The following GPC5 variants were observed in gnomAD, a reference collection of about 807,000 sequenced individuals.
GPC5 encodes glypican-5.
In GPC5, 47 loss-of-function variants were observed where a neutral mutation model predicts 53.9. That is an observed-to-expected ratio of 0.87 (90% CI 0.69 to 1.11). The LOEUF is 1.11. Ranked by LOEUF, GPC5 falls within the 50% of genes most tolerant of loss-of-function variation. The pLI, the probability that GPC5 is intolerant of heterozygous loss-of-function variation, is 0.00. For missense variants in GPC5, 748 were observed against 713.1 expected, an observed-to-expected ratio of 1.05 and a Z score of -0.56; for synonymous variants, 286 against 263.3, an observed-to-expected ratio of 1.09 and a Z score of -0.84.
intron 7 of GPC5, among the ~76,000 whole-genome samples, chr13:92,557,110 G>A (rs113472281): frequency 2.5e-4 from 37 of 150,852 alleles, no homozygotes; most frequent in Non-Finnish European, 4.9e-4. Flanking sequence ...AAAAAAAAAA[G>A]GGACGGGGGA....
rs187524545 is a variant in GPC5, at chr13:91,740,063, G to T, written c.1154+11398G>T. 2.6e-3 allele frequency among the ~76,000 whole-genome samples: 400 copies of T among 152,058 alleles called. 37 individuals carry two copies. Among genetic ancestry groups the T allele is most frequent in the African/African-American group, 9.3e-3 (386 of 41,364 alleles). On this transcript the variant is annotated intron_variant, in intron 4 of 7. Transcript: ENST00000377067. ...CTTCTTGTGGTATCTGGCTGAAGCT[G>T]AGCCCACATCCCCACTTAGCTTCTT...
chr13:92,372,137 C>A (rs1017524538), intron 7 of GPC5, among the ~76,000 whole-genome samples: 1 of 152,158 alleles, frequency 6.6e-6, no homozygotes, highest in Non-Finnish European at 1.5e-5. Context: ...CTGAGTTCAG[C>A]CTTGCGACAC....
chr13:92,472,525 C>A (rs906229609), intron 7 of GPC5, among the ~76,000 whole-genome samples: 3 of 152,210 alleles, frequency 2.0e-5, no homozygotes, highest in African/African-American at 7.2e-5. Flanking sequence ...ATACCTCTTG[C>A]CAGTTGCCCA....
intron 5 of GPC5, among the ~76,000 whole-genome samples, chr13:91,802,698 C>T (rs192431951): frequency 1.7e-3 from 265 of 152,180 alleles, no homozygotes; most frequent in Admixed American, 5.5e-3. Flanking sequence ...AGTCCCCAGC[C>T]GACCCGGAAG....
chr13:92,336,204 C>T (rs2043321914), intron 7 of GPC5, among the ~76,000 whole-genome samples: 1 of 152,134 alleles, frequency 6.6e-6, no homozygotes, highest in African/African-American at 2.4e-5. Context: ...ATCTCACATT[C>T]TCAGAAGGCA....
intron 6 of GPC5, among the ~76,000 whole-genome samples, chr13:92,070,036 C>G (rs532404244): frequency 1.3e-5 from 2 of 152,228 alleles, no homozygotes; most frequent in African/African-American, 4.8e-5. Context: ...CCCTTAAAAG[C>G]TGAGACCATG....
At chr13:91,426,377 T>G (rs1879050532) in intron 1 of GPC5, among the ~76,000 whole-genome samples, 2 of 152,064 alleles carry the variant, frequency 1.3e-5, no homozygotes, top group African/African-American at 4.8e-5. Context: ...CCATGGCATA[T>G]TAGGGTTCTC....
intron 6 of GPC5, among the ~76,000 whole-genome samples, chr13:92,055,194 T>C (rs1009788114): frequency 6.6e-6 from 1 of 152,188 alleles, no homozygotes; most frequent in Non-Finnish European, 1.5e-5. Context: ...TCCAAACTGG[T>C]GTCTTGTTTT....
At chr13:92,378,708 G>T (rs2043714574) in intron 7 of GPC5, among the ~76,000 whole-genome samples, 1 of 152,006 alleles carries the variant, frequency 6.6e-6, no homozygotes, top group Non-Finnish European at 1.5e-5. Flanking sequence ...CTCCATCATT[G>T]CATTCATTAC....
chr13:91,728,531 G>A lies in GPC5; in HGVS notation c.1021-1G>A, dbSNP rs764169602. On this transcript the variant is annotated splice_acceptor_variant, in intron 3 of 7. Coordinates refer to ENST00000377067, the MANE Select transcript of GPC5 (RefSeq NM_004466.6). LOFTEE classifies it high-confidence loss of function. ...ACCTTTTAATGTTTTCTATTTAAAA[G>A]GTAAATAGGATTTGTGGCCGCCCTG... The A allele has an allele frequency of 6.2e-7, 1 of 1,608,924 alleles. No homozygotes were observed. Among genetic ancestry groups the A allele is most frequent in the South Asian group, 1.1e-5 (1 of 90,128 alleles).
At chr13:92,374,760 G>A (rs2043679442) in intron 7 of GPC5, among the ~76,000 whole-genome samples, 2 of 147,104 alleles carry the variant, frequency 1.4e-5, no homozygotes, top group Non-Finnish European at 3.0e-5. Context: ...GCTAGATGAC[G>A]AGTTAGTGGG....
intron 7 of GPC5, among the ~76,000 whole-genome samples, chr13:92,273,795 C>G (rs574016607): frequency 6.6e-6 from 1 of 152,120 alleles, no homozygotes; most frequent in South Asian, 2.1e-4. Flanking sequence ...AGTTACAACC[C>G]AAGTATTTAA....
At chr13:92,006,943 T>C (rs552250146) in intron 6 of GPC5, among the ~76,000 whole-genome samples, 1 of 152,284 alleles carries the variant, frequency 6.6e-6, no homozygotes, top group African/African-American at 2.4e-5. Flanking sequence ...TAGTTGTGGA[T>C]GTTATGAATT....
At chr13:92,838,585 ACG>A in intron 7 of GPC5, among the ~76,000 whole-genome samples, 1 of 152,242 alleles carries the variant, frequency 6.6e-6, no homozygotes, top group East Asian at 1.9e-4. Context: ...AGCAAAACTT[ACG>A]AAATACATGA....
At chr13:91,908,469 G>T (rs550165762) in intron 6 of GPC5, among the ~76,000 whole-genome samples, 1 of 152,066 alleles carries the variant, frequency 6.6e-6, no homozygotes, top group African/African-American at 2.4e-5. Flanking sequence ...TTCAATATAA[G>T]TTAGGTCATA....
chr13:92,222,669 C>T (rs905297224), intron 7 of GPC5, among the ~76,000 whole-genome samples: 2 of 151,984 alleles, frequency 1.3e-5, no homozygotes, highest in Non-Finnish European at 2.9e-5. Flanking sequence ...TTCTGTAATC[C>T]TCCCTTATTT....
intron 7 of GPC5, among the ~76,000 whole-genome samples, chr13:92,177,373 C>T (rs533855065): frequency 2.3e-4 from 35 of 152,260 alleles, no homozygotes; most frequent in Admixed American, 6.5e-4. Flanking sequence ...GGTGTGTTAG[C>T]GTATCCCATC....
chr13:92,370,399 G>C (rs2043640656), intron 7 of GPC5, among the ~76,000 whole-genome samples: 1 of 152,034 alleles, frequency 6.6e-6, no homozygotes, highest in South Asian at 2.1e-4. Context: ...TTGCTAGATG[G>C]GATAAGCAAG....
chr13:91,998,850 C>T (rs1174994032), intron 6 of GPC5, among the ~76,000 whole-genome samples: 3 of 152,100 alleles, frequency 2.0e-5, no homozygotes, highest in East Asian at 3.9e-4. Context: ...AAACCTAAAC[C>T]ATCCGTCCAA....
Sources: allele counts gnomAD v4.1 joint callset (sites outside exome capture counted in the v4.1 genomes callset), GRCh38; gene constraint gnomAD v4.1.1; transcripts MANE v1.5; gene names NCBI Gene and HGNC (gene_info 2026-07-23, HGNC 2026-07-21).